ASIC2: variants seen among roughly 807,000 people sequenced by gnomAD.
ASIC2 encodes the protein acid-sensing ion channel 2.
A neutral mutation model predicts 57.3 loss-of-function variants in ASIC2; 25 were observed. That is an observed-to-expected ratio of 0.44 (90% CI 0.32 to 0.61). The LOEUF (loss-of-function observed/expected upper bound fraction) is 0.61, where lower values mean the gene tolerates loss of function less well. Among genes scored for constraint, ASIC2 ranks in the 20% least tolerant of loss-of-function variants. ASIC2 has a pLI of 0.06. For missense variants in ASIC2, 641 were observed against 738.1 expected (o/e 0.87, Z 1.52); for synonymous variants, 319 against 307.5 (o/e 1.04, Z -0.39).
chr17:33,158,671 C>T (rs1463739438), intron 1 of ASIC2, among the ~76,000 whole-genome samples: 2 of 152,344 alleles, frequency 1.3e-5, no homozygotes, highest in East Asian at 3.9e-4. Flanking sequence ...AGTTCAAAAC[C>T]CGATATTACT....
At chr17:34,130,340 C>T (rs970653235) in intron 1 of ASIC2, among the ~76,000 whole-genome samples, 1 of 152,234 alleles carries the variant, frequency 6.6e-6, no homozygotes, top group African/African-American at 2.4e-5. Flanking sequence ...GATTCAACTA[C>T]TGCTTTCCTC....
At chr17:33,646,548 G>C (rs1410813855) in intron 1 of ASIC2, among the ~76,000 whole-genome samples, 1 of 152,170 alleles carries the variant, frequency 6.6e-6, no homozygotes, top group Non-Finnish European at 1.5e-5. Flanking sequence ...GAGACTTAGA[G>C]ACAGTGAGTC....
At chr17:34,026,401 G>A (rs900747422) in intron 1 of ASIC2, among the ~76,000 whole-genome samples, 4 of 152,152 alleles carry the variant, frequency 2.6e-5, no homozygotes, top group Non-Finnish European at 5.9e-5. Flanking sequence ...TAGATGATCC[G>A]TGCTCTGCCT....
rs563731910 is a variant in ASIC2 at position 34,087,802 on chromosome 17, A to G, written c.555+68176T>C. Among the ~76,000 whole-genome samples the G allele has an allele frequency of 5.3e-5, 8 of 150,142 alleles. No individual in the cohort carries two copies. In the East Asian group the frequency reaches 7.8e-4, roughly 15 times the overall value. ...CATTTCATTCATTTCATCTTCCATC[A>G]CTGATACCCTTTCTTCCAGTTGATC... On this transcript the variant is annotated intron_variant, in intron 1 of 9. Transcript: ENST00000359872.
intron 1 of ASIC2, among the ~76,000 whole-genome samples, chr17:34,033,335 T>C (rs191914962): frequency 4.0e-4 from 61 of 152,056 alleles, no homozygotes; most frequent in Non-Finnish European, 7.6e-4. Flanking sequence ...AAACACAACA[T>C]ACCAGAATCT....
chr17:33,440,143 G>C (rs926963112), intron 1 of ASIC2, among the ~76,000 whole-genome samples: 3 of 152,070 alleles, frequency 2.0e-5, no homozygotes, highest in Non-Finnish European at 4.4e-5. Context: ...GCCCATTTGC[G>C]GTCAATCCAC....
At chr17:33,920,216 T>TA (rs1015379809) in intron 1 of ASIC2, among the ~76,000 whole-genome samples, 4 of 151,936 alleles carry the variant, frequency 2.6e-5, no homozygotes, top group Non-Finnish European at 4.4e-5. Flanking sequence ...AGGGAAAAAT[T>TA]AAAAAAAATA....
chr17:33,315,950 C>T (rs965817874), intron 1 of ASIC2, among the ~76,000 whole-genome samples: 1 of 152,184 alleles, frequency 6.6e-6, no homozygotes, highest in South Asian at 2.1e-4. Flanking sequence ...TTATTTTCCT[C>T]CTCTGCAACA....
At chr17:33,624,079 C>T (rs1905898584) in intron 1 of ASIC2, 5 of 152,226 alleles carry the variant, frequency 3.3e-5, no homozygotes, top group Admixed American at 3.3e-4. Flanking sequence ...GCTATTTTTA[C>T]TCACCCTAGC....
chr17:33,187,897 T>G (rs1597621604), intron 1 of ASIC2, among the ~76,000 whole-genome samples: 2 of 107,944 alleles, frequency 1.9e-5, no homozygotes, highest in African/African-American at 3.7e-5. Context: ...TCAAAAATGG[T>G]CAGGGATGAA....
At position 33,105,132 on chromosome 17, in the gene ASIC2, A is replaced by G. The variant is rs931919991; in HGVS notation, c.859+6785T>C. Among the ~76,000 whole-genome samples, 48 of 152,142 alleles carry G rather than the reference A, an allele frequency of 3.2e-4. 1 individual carries two copies. ...TGTTTAGTGGAAGGGGCAGACAATA[A>G]AAAACAATAAGGAAATGAAGGTGAT... On this transcript the variant is annotated intron_variant, in intron 2 of 9. Coordinates refer to ENST00000225823, the MANE Select transcript of ASIC2 (RefSeq NM_183377.2).
At chr17:33,398,824 G>T (rs1910175425) in intron 1 of ASIC2, among the ~76,000 whole-genome samples, 1 of 152,176 alleles carries the variant, frequency 6.6e-6, no homozygotes, top group South Asian at 2.1e-4. Flanking sequence ...AGCCATTGAA[G>T]ACAGAACCAA....
chr17:33,571,325 C>G (rs1164836457), intron 1 of ASIC2, among the ~76,000 whole-genome samples: 1 of 152,194 alleles, frequency 6.6e-6, no homozygotes, highest in Non-Finnish European at 1.5e-5. Context: ...CTAAACTTAA[C>G]TTCTTGTTGT....
At chr17:33,354,095 G>A (rs1171641272) in intron 1 of ASIC2, among the ~76,000 whole-genome samples, 1 of 152,210 alleles carries the variant, frequency 6.6e-6, no homozygotes, top group East Asian at 1.9e-4. Context: ...CTTCAGATTT[G>A]GTGAGACTTA....
At chr17:33,567,605 G>A (rs1916279725) in intron 1 of ASIC2, among the ~76,000 whole-genome samples, 1 of 152,188 alleles carries the variant, frequency 6.6e-6, no homozygotes, top group Non-Finnish European at 1.5e-5. Flanking sequence ...GGGGCCTCCT[G>A]TGGAGGGAGA....
intron 1 of ASIC2, among the ~76,000 whole-genome samples, chr17:33,308,347 A>G (rs1481710259): frequency 6.6e-6 from 1 of 152,192 alleles, no homozygotes; most frequent in Admixed American, 6.5e-5. Context: ...TTCAAGGCCT[A>G]GGTTCTATAT....
chr17:34,084,849 T>C (rs918327485), intron 1 of ASIC2, among the ~76,000 whole-genome samples: 1 of 152,226 alleles, frequency 6.6e-6, no homozygotes, highest in African/African-American at 2.4e-5. Context: ...TGTCTGTTAT[T>C]GGTGTATAAG....
At chr17:33,232,169 G>A (rs1167301765) in intron 1 of ASIC2, among the ~76,000 whole-genome samples, 4 of 152,094 alleles carry the variant, frequency 2.6e-5, no homozygotes, top group East Asian at 1.9e-4. Context: ...TGGAACTATC[G>A]TGATAGGATT....
intron 1 of ASIC2, among the ~76,000 whole-genome samples, chr17:33,610,978 C>T (rs948395543): frequency 1.3e-5 from 2 of 152,206 alleles, no homozygotes; most frequent in African/African-American, 2.4e-5. Context: ...GTAATTCCCT[C>T]CAGGCATCTA....
Sources: allele counts gnomAD v4.1 joint callset (sites outside exome capture counted in the v4.1 genomes callset), GRCh38; gene constraint gnomAD v4.1.1; transcripts MANE v1.5; gene names NCBI Gene and HGNC (gene_info 2026-07-23, HGNC 2026-07-21).